The following PDE1C variants were observed in gnomAD, a reference collection of about 807,000 sequenced individuals.
The protein encoded by PDE1C is dual specificity calcium/calmodulin-dependent 3',5'-cyclic nucleotide phosphodiesterase 1C.
PDE1C carries 62 observed loss-of-function variants against 93.1 expected under a neutral mutation model. The ratio of observed to expected loss-of-function variants is 0.67; its 90% CI spans 0.54 to 0.82. The LOEUF is 0.82. PDE1C is among the 40% of genes least tolerant of loss of function. PDE1C has a pLI of 0.00. For synonymous variants in PDE1C, 325 were observed against 310.1 expected, an observed-to-expected ratio of 1.05 and a Z score of -0.50; for missense variants, 742 against 884.6, an observed-to-expected ratio of 0.84 and a Z score of 2.04.
chr7:31,993,446 C>T (rs1334067150), intron 2 of PDE1C, among the ~76,000 whole-genome samples: 2 of 152,110 alleles, frequency 1.3e-5, no homozygotes, highest in African/African-American at 2.4e-5. Context: ...TAGAAGGGAA[C>T]AAGAAAGAGA....
At chr7:31,985,502 C>T (rs1039133462) in intron 2 of PDE1C, among the ~76,000 whole-genome samples, 6 of 151,938 alleles carry the variant, frequency 3.9e-5, no homozygotes, top group Non-Finnish European at 8.8e-5. Context: ...ATACATGTGC[C>T]ATGTTGGTTT....
Position 31,859,151 on chromosome 7 carries a change from G to A in PDE1C, c.750+5791C>T, listed in dbSNP as rs571977376. Among the ~76,000 whole-genome samples the A allele has an allele frequency of 6.7e-5, 10 of 148,856 alleles. 1 individual carries two copies. In the South Asian group the frequency reaches 2.1e-3, roughly 31 times the overall value. ...TATATACTATATATATAGACTATATGTATATTGACTATTGACTATGTACAT... is the reference window on the plus strand; with the variant it reads ...TATATACTATATATATAGACTATATATATATTGACTATTGACTATGTACAT... On this transcript the variant is annotated intron_variant, in intron 7 of 17. Transcript: ENST00000396191.
chr7:31,905,300 T>C (rs1800458820), intron 2 of PDE1C, among the ~76,000 whole-genome samples: 1 of 152,292 alleles, frequency 6.6e-6, no homozygotes, highest in Non-Finnish European at 1.5e-5. Flanking sequence ...CACTCTAATA[T>C]ATAATTAGAT....
the PDE1C span, among the ~76,000 whole-genome samples, chr7:31,666,195 A>G: frequency 6.6e-6 from 1 of 152,232 alleles, no homozygotes; most frequent in African/African-American, 2.4e-5. Flanking sequence ...TAAAATACAA[A>G]TGACTTTTTA....
At chr7:31,854,999 G>A (rs1309719847) in intron 7 of PDE1C, among the ~76,000 whole-genome samples, 3 of 150,934 alleles carry the variant, frequency 2.0e-5, no homozygotes, top group Non-Finnish European at 4.4e-5. Flanking sequence ...CCCAGGAGGC[G>A]GAGGTTGCAG....
In PDE1C at chr7:32,209,621, G is replaced by A. The variant is rs1805860014; in HGVS notation, c.86-82C>T. The stretch of plus-strand genomic sequence containing the variant: ...ATGCCCCAATACAGCCAATCCCCTG[G>A]ATGCTTTGACATCGGGCTGTATTTA... On this transcript the variant is annotated intron_variant, in intron 1 of 18. Coordinates refer to the PDE1C transcript ENST00000396193. The A allele has an allele frequency of 2.0e-5, 24 of 1,178,282 alleles. No individual in the cohort carries two copies. The South Asian group carries it at 3.0e-4, about 14-fold the overall frequency. The allele number at this position is 1,178,282 out of a possible 1,614,324, so 73.0% of individuals were successfully genotyped here. A position where few individuals can be genotyped will look rare whatever the true frequency, so the allele number is the denominator to read the frequency against.
intron 1 of PDE1C, among the ~76,000 whole-genome samples, chr7:32,325,301 G>C (rs1205683421): frequency 6.6e-6 from 1 of 152,094 alleles, no homozygotes; most frequent in African/African-American, 2.4e-5. Flanking sequence ...TGCCCACAGT[G>C]CTGTCTCCCT....
At chr7:32,296,529 T>C (rs922105045) in intron 1 of PDE1C, among the ~76,000 whole-genome samples, 1 of 152,236 alleles carries the variant, frequency 6.6e-6, no homozygotes, top group African/African-American at 2.4e-5. Context: ...CTCAGCAATC[T>C]GAAATAAGTT....
At chr7:31,820,837 A>G (rs879596911) in intron 14 of PDE1C, 5 of 152,040 alleles carry the variant, frequency 3.3e-5, no homozygotes, top group Non-Finnish European at 7.4e-5. Context: ...TTCTTTTCCA[A>G]TTTGCATACA....
chr7:31,915,976 G>C (rs911263955), intron 2 of PDE1C, among the ~76,000 whole-genome samples: 2 of 152,076 alleles, frequency 1.3e-5, no homozygotes, highest in African/African-American at 4.8e-5. Flanking sequence ...ACTTAGCAAG[G>C]CCTGTCTGTT....
At chr7:32,046,714 T>C (rs1792621594) in intron 2 of PDE1C, among the ~76,000 whole-genome samples, 2 of 152,176 alleles carry the variant, frequency 1.3e-5, no homozygotes, top group African/African-American at 4.8e-5. Context: ...TTGTCTAAAG[T>C]TAATTACTCA....
intron 2 of PDE1C, among the ~76,000 whole-genome samples, chr7:31,942,876 G>A (rs1806042124): frequency 6.6e-6 from 1 of 152,140 alleles, no homozygotes; most frequent in Non-Finnish European, 1.5e-5. Flanking sequence ...TTTTTCTGCT[G>A]ATAAGTCAAA....
intron 2 of PDE1C, among the ~76,000 whole-genome samples, chr7:31,995,401 C>T (rs1053692084): frequency 7.9e-5 from 12 of 152,220 alleles, no homozygotes; most frequent in African/African-American, 2.4e-4. Flanking sequence ...ATTCATCCTC[C>T]ACCAAACCTG....
At chr7:32,141,104 A>G (rs1189198371) in intron 3 of PDE1C, among the ~76,000 whole-genome samples, 3 of 152,250 alleles carry the variant, frequency 2.0e-5, no homozygotes, top group Non-Finnish European at 4.4e-5. Context: ...AGGATGTTCC[A>G]AAATAAGTAG....
At chr7:32,336,414 C>T (rs946492437) in intron 1 of PDE1C, among the ~76,000 whole-genome samples, 6 of 152,090 alleles carry the variant, frequency 3.9e-5, no homozygotes, top group African/African-American at 1.4e-4. Flanking sequence ...CCGCATGTTG[C>T]CCTTATTATG....
intron 1 of PDE1C, among the ~76,000 whole-genome samples, chr7:32,322,875 G>A (rs1233209471): frequency 1.3e-5 from 2 of 152,052 alleles, no homozygotes; most frequent in Non-Finnish European, 2.9e-5. Context: ...GCCTCCCAAA[G>A]TGCTGGGATT....
chr7:32,313,158 C>A (rs948556431), intron 1 of PDE1C, among the ~76,000 whole-genome samples: 3 of 152,094 alleles, frequency 2.0e-5, no homozygotes, highest in Non-Finnish European at 2.9e-5. Flanking sequence ...AAAAAATGCT[C>A]ATCTTCACTG....
chr7:32,144,285 T>C (rs1404540169), intron 3 of PDE1C, among the ~76,000 whole-genome samples: 1 of 152,226 alleles, frequency 6.6e-6, no homozygotes, highest in East Asian at 1.9e-4. Flanking sequence ...CAGCTTTGTA[T>C]ACAGGTAGGC....
chr7:32,147,316 GAAAGAAAGAA>G (rs1376981878), intron 3 of PDE1C, among the ~76,000 whole-genome samples: 1 of 141,086 alleles, frequency 7.1e-6, no homozygotes, highest in African/African-American at 2.9e-5. Context: ...AAGAAAGAAA[GAAAGAAAGAA>G]AGAAAGACGC....
Sources: gnomAD v4.1 joint callset for allele counts (sites outside exome capture counted in the v4.1 genomes callset) on GRCh38, gnomAD v4.1.1 for gene constraint, MANE v1.5 for transcripts, NCBI Gene and HGNC (gene_info 2026-07-23, HGNC 2026-07-21) for gene names.